MALRD1: variants seen among roughly 807,000 people sequenced by gnomAD.
MALRD1 encodes the protein MAM and LDL-receptor class A domain-containing protein 1.
In MALRD1, 247 loss-of-function variants were observed where a neutral mutation model predicts 242.1. The ratio of observed to expected loss-of-function variants is 1.02; its 90% CI spans 0.92 to 1.13. The LOEUF (loss-of-function observed/expected upper bound fraction) is 1.13, where lower values mean the gene tolerates loss of function less well. Ranked by LOEUF, MALRD1 falls within the 50% of genes most tolerant of loss-of-function variation. MALRD1 has a pLI of 0.00. For missense variants in MALRD1, 2,989 were observed against 2,533.1 expected (o/e 1.18, Z -3.86); for synonymous variants, 995 against 866.6 (o/e 1.15, Z -2.60).
chr10:19,520,705 A>AT (rs141655257), intron 31 of MALRD1, among the ~76,000 whole-genome samples: 9 of 151,824 alleles, frequency 5.9e-5, no homozygotes, highest in East Asian at 5.8e-4. Flanking sequence ...TGTTTCTTTT[A>AT]TTTTTTTTCT....
At chr10:19,175,428 G>A (rs547479738) in intron 14 of MALRD1, 100 bp downstream of exon 14, 3 of 796,094 alleles carry the variant, frequency 3.8e-6, no homozygotes, top group South Asian at 1.2e-4. Context: ...ACCTAATACA[G>A]GGTGTGGATT....
chr10:19,256,152 A>G (rs1467071818), intron 18 of MALRD1, among the ~76,000 whole-genome samples: 1 of 152,032 alleles, frequency 6.6e-6, no homozygotes, highest in South Asian at 2.1e-4. Context: ...GGCCAAGTCA[A>G]TAGTATTTAT....
intron 36 of MALRD1, among the ~76,000 whole-genome samples, chr10:19,627,396 TAAAC>T (rs1839700420): frequency 6.6e-6 from 1 of 151,386 alleles, no homozygotes; most frequent in Admixed American, 6.6e-5. Context: ...AAAGACACCA[TAAAC>T]AAAATTAAGA....
At chr10:19,343,996 T>G (rs76118730) in intron 24 of MALRD1, among the ~76,000 whole-genome samples, 1,814 of 152,270 alleles carry the variant, frequency 0.012, 32 homozygotes, top group African/African-American at 0.033. Context: ...TTGCCCATTC[T>G]CTAATTAGAC....
At chr10:19,547,806 ATATATATATATATTTTTTTTTTTTT>A (rs1174390031) in intron 32 of MALRD1, among the ~76,000 whole-genome samples, 2 of 13,736 alleles carry the variant, frequency 1.5e-4, no homozygotes, top group Non-Finnish European at 3.1e-4. Flanking sequence ...ATATATATAT[ATATATATATATATTTTTTTTTTTTT>A]TTTTTTTTTT....
chr10:19,491,998 T>A (rs962818423), intron 30 of MALRD1, among the ~76,000 whole-genome samples: 9 of 151,896 alleles, frequency 5.9e-5, no homozygotes, highest in African/African-American at 1.9e-4. Flanking sequence ...GTTTTTTTTT[T>A]TCTATTTTTT....
chr10:19,702,603 C>A (rs1833677453), intron 38 of MALRD1, among the ~76,000 whole-genome samples: 1 of 152,166 alleles, frequency 6.6e-6, no homozygotes, highest in African/African-American at 2.4e-5. Context: ...TAATTGAAAG[C>A]ATCACCAAAA....
intron 18 of MALRD1, among the ~76,000 whole-genome samples, chr10:19,239,295 G>T (rs542869289): frequency 6.6e-6 from 1 of 151,900 alleles, no homozygotes; most frequent in African/African-American, 2.4e-5. Flanking sequence ...CCTGACCTCA[G>T]GCAATCCACC....
At chr10:19,476,912 CTAACT>C (rs1428721475) in intron 29 of MALRD1, among the ~76,000 whole-genome samples, 3 of 127,520 alleles carry the variant, frequency 2.4e-5, no homozygotes, top group Non-Finnish European at 1.6e-5. Context: ...TCTCATTAAC[CTAACT>C]TCTTTGTCAA....
chr10:19,474,887 G>GA (rs1245890926), intron 29 of MALRD1, among the ~76,000 whole-genome samples: 4 of 151,328 alleles, frequency 2.6e-5, no homozygotes, highest in African/African-American at 7.3e-5. Flanking sequence ...AATCAAGGAG[G>GA]AAAAAAAACC....
At chr10:19,057,763 C>G (rs983389267) in intron 1 of MALRD1, among the ~76,000 whole-genome samples, 1 of 152,008 alleles carries the variant, frequency 6.6e-6, no homozygotes, top group Non-Finnish European at 1.5e-5. Flanking sequence ...ACTTTGGAAT[C>G]TGATAAAGTG....
intron 24 of MALRD1, 86 bp downstream of exon 24, chr10:19,331,668 G>C: frequency 9.1e-7 from 1 of 1,099,024 alleles, no homozygotes; most frequent in Non-Finnish European, 1.3e-6. Flanking sequence ...GAAACATGCA[G>C]AGTGTGTGTA....
chr10:19,215,962 A>T (rs1366576333), intron 18 of MALRD1, among the ~76,000 whole-genome samples: 1 of 151,788 alleles, frequency 6.6e-6, no homozygotes, highest in East Asian at 1.9e-4. Flanking sequence ...ATGTATCCAC[A>T]GGTAGAGTGC....
At chr10:19,369,336 A>C (rs1397788213) in intron 26 of MALRD1, among the ~76,000 whole-genome samples, 6 of 146,734 alleles carry the variant, frequency 4.1e-5, no homozygotes, top group Non-Finnish European at 7.5e-5. Context: ...ATAAATATAA[A>C]ATATGTATAT....
intron 29 of MALRD1, among the ~76,000 whole-genome samples, chr10:19,466,448 A>G (rs937431877): frequency 6.6e-6 from 1 of 152,132 alleles, no homozygotes; most frequent in African/African-American, 2.4e-5. Context: ...TTTATTGCCT[A>G]TTTTAGTTTG....
intron 36 of MALRD1, among the ~76,000 whole-genome samples, chr10:19,664,677 T>C (rs1841597701): frequency 6.6e-6 from 1 of 151,810 alleles, no homozygotes; most frequent in Middle Eastern, 3.2e-3. Context: ...ATTGTTTCTA[T>C]ATTGAAAAAA....
At chr10:19,425,722 C>T (rs940439402) in intron 28 of MALRD1, among the ~76,000 whole-genome samples, 1 of 151,998 alleles carries the variant, frequency 6.6e-6, no homozygotes, top group Non-Finnish European at 1.5e-5. Flanking sequence ...TTCCAGCCCG[C>T]GTTTGACTCC....
At chr10:19,388,086 G>C (rs1846162478) in intron 27 of MALRD1, among the ~76,000 whole-genome samples, 1 of 152,092 alleles carries the variant, frequency 6.6e-6, no homozygotes, top group Non-Finnish European at 1.5e-5. Context: ...TTAGATTCTG[G>C]TAGTTTCATT....
intron 34 of MALRD1, among the ~76,000 whole-genome samples, chr10:19,602,943 C>T (rs946658965): frequency 3.3e-5 from 5 of 152,084 alleles, no homozygotes; most frequent in African/African-American, 1.2e-4. Context: ...TCTCTGATGG[C>T]CAGTGATGAT....
Sources: gnomAD v4.1 joint callset for allele counts (sites outside exome capture counted in the v4.1 genomes callset) on GRCh38, gnomAD v4.1.1 for gene constraint, MANE v1.5 for transcripts, NCBI Gene and HGNC (gene_info 2026-07-23, HGNC 2026-07-21) for gene names.